The following TMEM25 variants were observed in gnomAD, a reference collection of about 807,000 sequenced individuals.
The protein encoded by TMEM25 is transmembrane protein 25.
TMEM25 carries 36 observed loss-of-function variants against 37.0 expected under a neutral mutation model. That is an observed-to-expected ratio of 0.97 (90% confidence interval 0.75 to 1.28). TMEM25 has a LOEUF of 1.28. TMEM25 is among the 50% of genes most tolerant of loss of function. The pLI, the probability that TMEM25 is intolerant of heterozygous loss-of-function variation, is 0.00. For synonymous variants in TMEM25, 197 were observed against 203.7 expected, an observed-to-expected ratio of 0.97 and a Z score of 0.28; for missense variants, 444 against 477.9, an observed-to-expected ratio of 0.93 and a Z score of 0.66.
intron 8 of TMEM25, among the ~76,000 whole-genome samples, chr11:118,541,071 G>A (rs892927913): frequency 2.0e-5 from 3 of 152,126 alleles, no homozygotes; most frequent in Non-Finnish European, 4.4e-5. Flanking sequence ...ACACTTACAC[G>A]AGGATGAACT....
chr11:118,546,358 T>C, exon 9 of TMEM25: 1 of 556,512 alleles, frequency 1.8e-6, no homozygotes, highest in Non-Finnish European at 3.3e-6. Flanking sequence ...GGGTGTGGTG[T>C]TGAGTATCTG....
rs781937382 is a variant in TMEM25 at position 118,531,784 on chromosome 11, G to T, written c.-18G>T. 1 of 1,549,158 alleles carries T rather than the reference G, an allele frequency of 6.5e-7. No homozygotes were observed. Among genetic ancestry groups the T allele is most frequent in the East Asian group, 2.4e-5 (1 of 40,898 alleles). The stretch of plus-strand genomic sequence containing the variant: ...CGCCCCCTTCTCTCAGCAGCCTAGG[G>T]CCTAGGCCCGGGCCACCATGGCGCT... On this transcript the variant is annotated 5_prime_UTR_variant, in exon 2 of 9. Transcript: ENST00000313236.
At chr11:118,539,687 G>A (rs1374714665), downstream of TMEM25, among the ~76,000 whole-genome samples, 2 of 152,004 alleles carry the variant, frequency 1.3e-5, no homozygotes, top group Admixed American at 1.3e-4. Context: ...CCAAGTGTAA[G>A]TTTTCATTGG....
At chr11:118,541,001 G>A (rs754153912) in intron 8 of TMEM25, among the ~76,000 whole-genome samples, 16 of 152,074 alleles carry the variant, frequency 1.1e-4, no homozygotes, top group Non-Finnish European at 1.9e-4. Context: ...CTTTTTTGGG[G>A]TGATGAAAAT....
chr11:118,533,845 C>A lies in TMEM25; in HGVS notation c.806-12C>A, dbSNP rs1555061279. ...ACACTGAGAATTAGGGACATGGTTT[C>A]TTTCTCCACAGGCCCCTCCCGGCAC... On this transcript the variant is annotated splice_polypyrimidine_tract_variant and intron_variant, in intron 5 of 8. Coordinates refer to ENST00000313236, the MANE Select transcript of TMEM25 (RefSeq NM_032780.4). The A allele has an allele frequency of 6.2e-7, 1 of 1,613,902 alleles. No homozygotes were observed. The highest frequency in any genetic ancestry group is 1.3e-5 in the African/African-American group (1 of 74,918).
At position 118,535,734 on chromosome 11, in the gene TMEM25, T is replaced by C. The variant is rs530170049; in HGVS notation, c.*1154T>C. 7.3e-7 allele frequency: 1 copy of C among 1,375,248 alleles called. No individual in the cohort carries two copies. The highest frequency in any genetic ancestry group is 2.7e-5 in the East Asian group (1 of 37,404). The allele number at this position is 1,375,248 out of a possible 1,614,324, so 85.2% of individuals were successfully genotyped here. On this transcript the variant is annotated 3_prime_UTR_variant, in exon 9 of 9. Coordinates refer to ENST00000313236, the MANE Select transcript of TMEM25 (RefSeq NM_032780.4). Reference sequence around the variant, plus strand: ...AAATTAATATAGTACAGAATATATTTTTCCCTTGTTGAGATCTTCTTTTGT... The same window carrying C: ...AAATTAATATAGTACAGAATATATTCTTCCCTTGTTGAGATCTTCTTTTGT...
intron 8 of TMEM25, among the ~76,000 whole-genome samples, chr11:118,543,049 G>A (rs1951600679): frequency 6.6e-6 from 1 of 151,838 alleles, no homozygotes; most frequent in South Asian, 2.1e-4. Flanking sequence ...AGACCACCCT[G>A]GCTAACACGG....
At chr11:118,533,989 C>G (rs201380038) in intron 6 of TMEM25, 40 bp from the exon 7 acceptor site, 1 of 1,613,028 alleles carries the variant, frequency 6.2e-7, no homozygotes, top group East Asian at 2.2e-5. Context: ...AGTGCCTGTG[C>G]CGGGACTCAT....
In TMEM25 at chr11:118,532,373, C is replaced by G. The variant is rs368759722; in HGVS notation, c.294C>G (p.Ala98=). The G allele has an allele frequency of 4.3e-6, 7 of 1,614,182 alleles. No individual in the cohort carries two copies. Among genetic ancestry groups the G allele is most frequent in the Middle Eastern group, 1.6e-4 (1 of 6,062 alleles). The part of the protein sequence containing the change: ...SGGTSTFTVT[A]HRAQHELNCS... ...GCACCAGCACCTTCACTGTCACTGC[C>G]CATCGGGCCCAGCATGAGCTCAACT... Residue 98 remains alanine (A), a synonymous_variant, in exon 3 of 9, where the codon GCC becomes GCG. Coordinates refer to ENST00000313236, the MANE Select transcript of TMEM25 (RefSeq NM_032780.4).
chr11:118,543,148 C>G (rs1268402395), intron 8 of TMEM25, among the ~76,000 whole-genome samples: 1 of 152,162 alleles, frequency 6.6e-6, no homozygotes, highest in Non-Finnish European at 1.5e-5. Context: ...GAGGCATAGG[C>G]AGGAGAATCG....
At chr11:118,536,167 C>A (rs146626620), downstream of TMEM25, among the ~76,000 whole-genome samples, 48 of 148,758 alleles carry the variant, frequency 3.2e-4, 1 homozygote, top group South Asian at 6.4e-3. Context: ...TGTGAGCCAC[C>A]ACACCCAGCC....
Position 118,533,174 on chromosome 11 carries a change from G to A in TMEM25, c.640G>A (p.Val214Met), listed in dbSNP as rs913957356. The change falls in exon 4 of 9, where the codon GTG becomes ATG. Residue 214 changes from valine (V) to methionine (M), a missense_variant. By Grantham distance (21) the Val-to-Met change is conservative (BLOSUM62 1). Coordinates refer to ENST00000313236, the MANE Select transcript of TMEM25 (RefSeq NM_032780.4). ...CCTCTCGGTGGTGGCCACCAATGACGTGGGTGTCACCAGTGCGTCGCTTCC... is the reference window on the plus strand; with the variant it reads ...CCTCTCGGTGGTGGCCACCAATGACATGGGTGTCACCAGTGCGTCGCTTCC... ...HNLSVVATNDVGVTSASLPAP... is the reference protein window; with the variant it reads ...HNLSVVATNDMGVTSASLPAP... 16 of 1,537,552 alleles carry A rather than the reference G, an allele frequency of 1.0e-5. No homozygotes were observed. The highest frequency in any genetic ancestry group is 1.6e-5 in the African/African-American group (1 of 61,022).
chr11:118,533,451 G>T lies in TMEM25; in HGVS notation c.705G>T (p.Leu235=). The T allele has an allele frequency of 6.2e-7, 1 of 1,614,132 alleles. No individual in the cohort carries two copies. The highest frequency in any genetic ancestry group is 8.5e-7 in the Non-Finnish European group (1 of 1,180,022). The change falls in exon 5 of 9, where the codon CTG becomes CTT. Residue 235 remains leucine (L), a synonymous_variant. Transcript: ENST00000313236. ...GLLATRVEVP[L]LGIVVAAGLA... is the part of the protein sequence containing the mutation. ...TGGCTACCCGGGTGGAAGTGCCACT[G>T]CTGGGCATTGTTGTGGCTGCTGGGC...
intron 2 of TMEM25, 93 bp downstream of exon 2, chr11:118,531,964 GC>G: frequency 6.8e-7 from 1 of 1,467,560 alleles, no homozygotes. Context: ...CCCACTCCAG[GC>G]CCCAAGCCCT....
chr11:118,544,287 C>A (rs184126908), intron 8 of TMEM25, among the ~76,000 whole-genome samples: 9 of 152,084 alleles, frequency 5.9e-5, no homozygotes, highest in African/African-American at 2.2e-4. Context: ...AGGTCTGGAG[C>A]CAGACAGCCT....
chr11:118,544,921 T>G, intron 8 of TMEM25: 1 of 1,611,394 alleles, frequency 6.2e-7, no homozygotes, highest in Non-Finnish European at 8.5e-7. Context: ...GTGTCTCAGC[T>G]GAAGGTTAAT....
intron 8 of TMEM25, among the ~76,000 whole-genome samples, chr11:118,543,160 T>C (rs917374044): frequency 3.9e-5 from 6 of 152,148 alleles, no homozygotes; most frequent in African/African-American, 1.4e-4. Flanking sequence ...GGAGAATCGC[T>C]TGAACCCGGG....
downstream of TMEM25, among the ~76,000 whole-genome samples, chr11:118,537,317 GATGACAGAGCA>G (rs1189220254): frequency 6.6e-6 from 1 of 151,946 alleles, no homozygotes; most frequent in Non-Finnish European, 1.5e-5. Flanking sequence ...CTCCAGCCTG[GATGACAGAGCA>G]AGACTCCGTC....
intron 8 of TMEM25, among the ~76,000 whole-genome samples, chr11:118,541,643 C>T (rs61290697): frequency 0.16 from 24,500 of 151,986 alleles, 2,448 homozygotes; most frequent in East Asian, 0.49. Context: ...TACCTGGTAT[C>T]ACACCAGGTA....
Sources: gnomAD v4.1 joint callset for allele counts (sites outside exome capture counted in the v4.1 genomes callset) on GRCh38, gnomAD v4.1.1 for gene constraint, MANE v1.5 for transcripts, NCBI Gene and HGNC (gene_info 2026-07-23, HGNC 2026-07-21) for gene names.